Variants in BCKDHB observed in about 807,000 individuals in gnomAD.
BCKDHB encodes the protein branched chain keto acid dehydrogenase E1 subunit beta.
In BCKDHB, 41 loss-of-function variants were observed where a neutral mutation model predicts 48.5. The observed-to-expected ratio is 0.85, with a 90% CI of 0.66 to 1.10. The LOEUF is 1.10. Among genes scored for constraint, BCKDHB ranks in the 50% least tolerant of loss-of-function variants. The pLI is 0.00. For synonymous variants in BCKDHB, 201 were observed against 174.8 expected (o/e 1.15, Z -1.18); for missense variants, 496 against 494.2 (o/e 1.00, Z -0.03).
At chr6:80,268,393 C>T (rs1392542781) in intron 8 of BCKDHB, among the ~76,000 whole-genome samples, 1 of 152,000 alleles carries the variant, frequency 6.6e-6, no homozygotes, top group Non-Finnish European at 1.5e-5. Flanking sequence ...ATGAGGTTCT[C>T]TTGATTTCAG....
At chr6:80,294,170 G>C (rs998735713) in intron 9 of BCKDHB, among the ~76,000 whole-genome samples, 1 of 152,186 alleles carries the variant, frequency 6.6e-6, no homozygotes, top group Admixed American at 6.5e-5. Flanking sequence ...GGAGGGACCG[G>C]CTGGAGCTGC....
At chr6:80,342,682 C>T (rs2128019581) in intron 9 of BCKDHB, among the ~76,000 whole-genome samples, 1 of 151,130 alleles carries the variant, frequency 6.6e-6, no homozygotes, top group East Asian at 2.0e-4. Flanking sequence ...GTCACAGCTA[C>T]TTGGTAGTCT....
the BCKDHB span, among the ~76,000 whole-genome samples, chr6:80,389,144 T>C: frequency 2.0e-5 from 3 of 152,300 alleles, no homozygotes; most frequent in East Asian, 5.8e-4. Flanking sequence ...AGAGGAAGAT[T>C]TTAATAATCA....
At chr6:80,183,376 A>G (rs528239315) in intron 6 of BCKDHB, among the ~76,000 whole-genome samples, 1 of 152,318 alleles carries the variant, frequency 6.6e-6, no homozygotes. Context: ...GGCAATTGTA[A>G]GAGTGAAAAC....
At position 80,200,926 on chromosome 6, in the gene BCKDHB, G is replaced by C. The variant is rs765391530; in HGVS notation, c.743-8G>C. The C allele has an allele frequency of 6.3e-7, 1 of 1,578,802 alleles. No individual in the cohort carries two copies. Among genetic ancestry groups the C allele is most frequent in the East Asian group, 2.2e-5 (1 of 44,512 alleles). On this transcript the variant is annotated splice_polypyrimidine_tract_variant and splice_region_variant and intron_variant, in intron 6 of 9. Transcript: ENST00000320393. ...TGTCCTTTTTTTTTTTTCCTGTTCT[G>C]TATTTAGCGGAAGAAGTCCCTATAG...
intron 3 of BCKDHB, among the ~76,000 whole-genome samples, chr6:80,147,748 A>G (rs1003602515): frequency 6.6e-6 from 1 of 152,104 alleles, no homozygotes; most frequent in African/African-American, 2.4e-5. Context: ...GGGCCCAACA[A>G]TCTTTACTGC....
chr6:80,198,831 C>T (rs984212270), intron 6 of BCKDHB, among the ~76,000 whole-genome samples: 15 of 152,030 alleles, frequency 9.9e-5, no homozygotes, highest in South Asian at 4.1e-4. Flanking sequence ...CCAATATAAG[C>T]GGAAGAAATT....
intron 8 of BCKDHB, among the ~76,000 whole-genome samples, chr6:80,238,754 T>C (rs1582417978): frequency 6.6e-6 from 1 of 151,666 alleles, no homozygotes; most frequent in East Asian, 2.0e-4. Context: ...TCCCCCCTCC[T>C]CCCATCCCAT....
the BCKDHB span, among the ~76,000 whole-genome samples, chr6:80,413,756 A>G: frequency 6.6e-6 from 1 of 152,208 alleles, no homozygotes; most frequent in Non-Finnish European, 1.5e-5. Flanking sequence ...GCTGCAATAA[A>G]CATATTCATG....
chr6:80,311,258 C>A (rs1768142795), intron 9 of BCKDHB, among the ~76,000 whole-genome samples: 1 of 152,154 alleles, frequency 6.6e-6, no homozygotes, highest in Non-Finnish European at 1.5e-5. Context: ...CCTCTCCAAC[C>A]ACATGGAACT....
At chr6:80,181,891 T>G (rs1434131773) in intron 6 of BCKDHB, among the ~76,000 whole-genome samples, 1 of 152,216 alleles carries the variant, frequency 6.6e-6, no homozygotes, top group Non-Finnish European at 1.5e-5. Context: ...TAATCTTTTA[T>G]ATATGTTTGT....
At chr6:80,161,857 C>G (rs1377397935) in intron 3 of BCKDHB, among the ~76,000 whole-genome samples, 1 of 152,200 alleles carries the variant, frequency 6.6e-6, no homozygotes, top group African/African-American at 2.4e-5. Flanking sequence ...CTCACTGCTT[C>G]TAGTACCTCC....
At chr6:80,293,491 G>A (rs1427234878) in intron 9 of BCKDHB, among the ~76,000 whole-genome samples, 2 of 152,110 alleles carry the variant, frequency 1.3e-5, no homozygotes, top group Non-Finnish European at 1.5e-5. Flanking sequence ...GCAGGGGCTG[G>A]CCTGGCCCAG....
chr6:80,308,035 A>G (rs1244851410), intron 9 of BCKDHB: 1 of 499,536 alleles, frequency 2.0e-6, no homozygotes, highest in African/African-American at 2.1e-5. Flanking sequence ...GGAAGAGCTG[A>G]TAGTCTAGTG....
At chr6:80,378,959 A>G in the BCKDHB span, among the ~76,000 whole-genome samples, 2 of 152,046 alleles carry the variant, frequency 1.3e-5, no homozygotes, top group Admixed American at 1.3e-4. Context: ...AAAATCTCCC[A>G]ACAACAACAA....
the BCKDHB span, among the ~76,000 whole-genome samples, chr6:80,359,885 T>C: frequency 3.3e-3 from 504 of 152,348 alleles, 6 homozygotes; most frequent in African/African-American, 0.011. Context: ...CCACTGCGCC[T>C]GGCCAACACA....
rs562722741 is a variant in BCKDHB at position 80,123,221 on chromosome 6, C to T, written c.197-4326C>T. ...GCACTGATTTCATATTGTTCAAACACACATGTTTTACAATCAATTTGTACA... is the reference window on the plus strand; with the variant it reads ...GCACTGATTTCATATTGTTCAAACATACATGTTTTACAATCAATTTGTACA... On this transcript the variant is annotated intron_variant, in intron 1 of 9. Coordinates refer to ENST00000320393, the MANE Select transcript of BCKDHB (RefSeq NM_183050.4). Among the ~76,000 whole-genome samples the T allele has an allele frequency of 9.3e-3, 1,418 of 152,228 alleles. 29 individuals carry two copies. The highest frequency in any genetic ancestry group is 0.032 in the African/African-American group (1,349 of 41,516).
At chr6:80,273,837 G>A (rs1219925055) in intron 9 of BCKDHB, among the ~76,000 whole-genome samples, 2 of 151,586 alleles carry the variant, frequency 1.3e-5, no homozygotes, top group Non-Finnish European at 2.9e-5. Flanking sequence ...CCTCTTTCTG[G>A]CAAGTTTTAC....
At chr6:80,209,928 A>C (rs918962028) in intron 8 of BCKDHB, among the ~76,000 whole-genome samples, 2 of 152,078 alleles carry the variant, frequency 1.3e-5, no homozygotes, top group African/African-American at 4.8e-5. Context: ...AATCAAAAAG[A>C]AAAGACCAAT....
Sources: gnomAD v4.1 joint callset for allele counts (sites outside exome capture counted in the v4.1 genomes callset) on GRCh38, gnomAD v4.1.1 for gene constraint, MANE v1.5 for transcripts, NCBI Gene and HGNC (gene_info 2026-07-23, HGNC 2026-07-21) for gene names.